Variants in GRAMD1C observed in about 807,000 individuals in gnomAD.
The protein encoded by GRAMD1C is protein Aster-C.
GRAMD1C carries 89 observed loss-of-function variants against 97.8 expected under a neutral mutation model. That is an observed-to-expected ratio of 0.91 (90% CI 0.77 to 1.09). GRAMD1C has a LOEUF of 1.09. Ranked by LOEUF, GRAMD1C falls within the 50% of genes least tolerant of loss-of-function variation. The pLI, the probability that GRAMD1C is intolerant of heterozygous loss-of-function variation, is 0.00. For missense variants in GRAMD1C, 740 were observed against 766.4 expected (o/e 0.97, Z 0.41); for synonymous variants, 256 against 267.0 (o/e 0.96, Z 0.40).
intron 6 of GRAMD1C, among the ~76,000 whole-genome samples, chr3:113,893,508 G>T (rs914815964): frequency 5.9e-5 from 9 of 151,502 alleles, no homozygotes; most frequent in Non-Finnish European, 1.3e-4. Context: ...ATAACATTTT[G>T]TATTTCTATA....
rs1180891284 is a variant in GRAMD1C, at chr3:113,934,502, T to C, written c.1423T>C (p.Trp475Arg). ...CAAATCTTTAATTGAAAAGAATTCC[T>C]GGAGTTCTTTGGAGGACTATTTCAA... is the stretch of plus-strand genomic sequence containing the variant. ...LVKSLIEKNS[W>R]SSLEDYFKQL... Residue 475 changes from tryptophan to arginine, a missense_variant, in exon 13 of 18, where the codon TGG becomes CGG. Transcript: ENST00000358160. 6.4e-7 allele frequency: 1 copy of C among 1,568,164 alleles called. No homozygotes were observed. The highest frequency in any genetic ancestry group is 2.3e-5 in the East Asian group (1 of 43,954).
chr3:113,828,609 A>C (rs892956264), intron 1 of GRAMD1C, among the ~76,000 whole-genome samples: 1 of 152,118 alleles, frequency 6.6e-6, no homozygotes, highest in Non-Finnish European at 1.5e-5. Context: ...ATGTCAGAAC[A>C]CTATGCCACC....
intron 13 of GRAMD1C, among the ~76,000 whole-genome samples, chr3:113,935,058 A>C (rs576945150): frequency 6.6e-6 from 1 of 152,178 alleles, no homozygotes; most frequent in Non-Finnish European, 1.5e-5. Flanking sequence ...AAACACTTAC[A>C]TAATGCTTAT....
At chr3:113,937,186 AT>A (rs1324091895) in intron 14 of GRAMD1C, among the ~76,000 whole-genome samples, 1 of 152,216 alleles carries the variant, frequency 6.6e-6, no homozygotes, top group Non-Finnish European at 1.5e-5. Context: ...TTTTGAACAC[AT>A]CTTACTTTTA....
chr3:113,890,897 G>A, intron 6 of GRAMD1C: 2 of 531,170 alleles, frequency 3.8e-6, no homozygotes, highest in Non-Finnish European at 6.7e-6. Context: ...AAGAAGAAAG[G>A]GAATTCCAGA....
intron 2 of GRAMD1C, among the ~76,000 whole-genome samples, chr3:113,864,234 C>A (rs187333646): frequency 6.6e-6 from 1 of 152,136 alleles, no homozygotes; most frequent in Non-Finnish European, 1.5e-5. Context: ...CTGCCTCAGC[C>A]CCCTAAGTAG....
Position 113,898,300 on chromosome 3 carries a change from CTATTATT to C in GRAMD1C, c.541-2728_541-2722del, listed in dbSNP as rs547458821. On this transcript the variant is annotated intron_variant, in intron 6 of 17. Coordinates refer to ENST00000358160, the MANE Select transcript of GRAMD1C (RefSeq NM_017577.5). ...GTCTGCCTTTGTAATCGTTTGATAT[CTATTATT>C]TAAGAAAAGTTTTTATAAAAGATTA... Among the ~76,000 whole-genome samples the C allele has an allele frequency of 2.6e-4, 39 of 152,100 alleles. 1 individual carries two copies. In the East Asian group the frequency reaches 7.3e-3, roughly 29 times the overall value.
chr3:113,930,950 G>A, intron 11 of GRAMD1C, 118 bp downstream of exon 11: 2 of 616,934 alleles, frequency 3.2e-6, no homozygotes, highest in Admixed American at 2.7e-5. Flanking sequence ...AAAAAAGGGA[G>A]GAGAAACTGT....
intron 2 of GRAMD1C, among the ~76,000 whole-genome samples, chr3:113,853,473 A>T (rs1341771051): frequency 6.6e-6 from 1 of 152,232 alleles, no homozygotes; most frequent in East Asian, 1.9e-4. Flanking sequence ...ACTCAAGTTG[A>T]AGGGCTTCAT....
At chr3:113,895,335 G>A (rs913832442) in intron 6 of GRAMD1C, among the ~76,000 whole-genome samples, 8 of 152,160 alleles carry the variant, frequency 5.3e-5, no homozygotes, top group South Asian at 4.2e-4. Flanking sequence ...AACTGAGCTA[G>A]TATCAGCTCG....
rs779788028 is a variant in GRAMD1C, at chr3:113,904,142, G to T, written c.659G>T (p.Ser220Ile). 1.2e-6 allele frequency: 2 copies of T among 1,608,960 alleles called. No homozygotes were observed. Among genetic ancestry groups the T allele is most frequent in the Admixed American group, 3.3e-5 (2 of 59,948 alleles). The change falls in exon 8 of 18, where the codon AGT (serine) becomes ATT (isoleucine). Residue 220 changes from serine (S) to isoleucine (I), a missense_variant and splice_region_variant. Coordinates refer to ENST00000358160, the MANE Select transcript of GRAMD1C (RefSeq NM_017577.5). ...SLSIEDVQPRSPGRSSLDDSG... is the reference protein window; with the variant it reads ...SLSIEDVQPRIPGRSSLDDSG... The stretch of plus-strand genomic sequence containing the variant: ...CTATAATGATGTGTTTCTTACAGAA[G>T]TCCAGGAAGAAGCAGCTTGGATGAC...
rs140812424 is a variant in GRAMD1C, at chr3:113,936,288, A to C, written c.1479A>C (p.Glu493Asp). The change falls in exon 14 of 18, where the codon GAA becomes GAC. Residue 493 changes from glutamate (E) to aspartate (D), a missense_variant. Coordinates refer to ENST00000358160, the MANE Select transcript of GRAMD1C (RefSeq NM_017577.5). ...TAGAATCAGATTTGTTAATTGAAGAATCTGTATTAAATCAGGCCATTGAAG... is the reference window on the plus strand; with the variant it reads ...TAGAATCAGATTTGTTAATTGAAGACTCTGTATTAAATCAGGCCATTGAAG... ...KQLESDLLIEESVLNQAIEDP... is the reference protein window; with the variant it reads ...KQLESDLLIEDSVLNQAIEDP... 27 of 1,587,172 alleles carry C rather than the reference A, an allele frequency of 1.7e-5. No individual in the cohort carries two copies. In the East Asian group the frequency reaches 3.4e-4, roughly 20 times the overall value.
chr3:113,849,068 A>G (rs892552297), intron 2 of GRAMD1C, among the ~76,000 whole-genome samples: 1 of 152,086 alleles, frequency 6.6e-6, no homozygotes, highest in Non-Finnish European at 1.5e-5. Context: ...CATGTGGATT[A>G]AGATCCCAGA....
chr3:113,902,625 T>C lies in GRAMD1C; in HGVS notation c.656+1479T>C, dbSNP rs912120926. Among the ~76,000 whole-genome samples the C allele has an allele frequency of 3.9e-5, 6 of 152,318 alleles. No individual in the cohort carries two copies. In the South Asian group the frequency reaches 1.2e-3, roughly 32 times the overall value. ...AAGAATATTTTTGACTAGCTGCTGT[T>C]TTCTTCTGGCGATTGAATGCTTTCT... On this transcript the variant is annotated intron_variant, in intron 7 of 17. Transcript: ENST00000358160.
intron 14 of GRAMD1C, 88 bp from the exon 15 acceptor site, chr3:113,937,998 T>G (rs1577227328): frequency 1.2e-5 from 7 of 607,750 alleles, no homozygotes; most frequent in Non-Finnish European, 8.0e-6. Context: ...AGAGCGAAAC[T>G]CCTTCTCAAA....
chr3:113,856,033 C>T (rs1211116009), intron 2 of GRAMD1C, among the ~76,000 whole-genome samples: 1 of 151,944 alleles, frequency 6.6e-6, no homozygotes, highest in Middle Eastern at 3.2e-3. Flanking sequence ...GGATTACAGG[C>T]ACGTGCCACC....
chr3:113,882,751 GT>G lies in GRAMD1C; in HGVS notation c.464del (p.Phe155SerfsTer24). 1 of 1,555,296 alleles carries G rather than the reference GT, an allele frequency of 6.4e-7. No individual in the cohort carries two copies. Among genetic ancestry groups the G allele is most frequent in the Non-Finnish European group, 8.9e-7 (1 of 1,126,968 alleles). On this transcript the variant is annotated frameshift_variant and splice_region_variant, in exon 6 of 18. Coordinates refer to ENST00000358160, the MANE Select transcript of GRAMD1C (RefSeq NM_017577.5). LOFTEE classifies it high-confidence loss of function. ...AIQIVTESEK[F>X]FFTSFGARDR... ...AATTCTCCTATTATTTTTCTTTGCA[GT>G]TTTTCTTCACATCTTTTGGTGCCAG...
intron 13 of GRAMD1C, among the ~76,000 whole-genome samples, 188 bp downstream of exon 13, chr3:113,934,723 TCAAA>T (rs993470817): frequency 1.1e-4 from 16 of 152,276 alleles, no homozygotes; most frequent in African/African-American, 3.6e-4. Context: ...TTTTCATTGG[TCAAA>T]CAAACACTTA....
Position 113,869,576 on chromosome 3 carries a change from G to C in GRAMD1C, c.244G>C (p.Glu82Gln). ...RRQFTHLPDT[E>Q]RLIADYACAL... ...ACAGTTCACACATCTACCTGATACA[G>C]AGAGGCTGATAGCAGGTAAAATAGA... The change falls in exon 3 of 18, where the codon GAG (glutamate) becomes CAG (glutamine). Residue 82 changes from glutamate (E) to glutamine (Q), a missense_variant. Transcript: ENST00000358160. The C allele has an allele frequency of 1.3e-6, 2 of 1,497,670 alleles. No homozygotes were observed. Among genetic ancestry groups the C allele is most frequent in the Non-Finnish European group, 1.8e-6 (2 of 1,091,676 alleles). 92.8% of individuals were successfully genotyped at this position (1,497,670 alleles called of 1,614,324 possible). A position where few individuals can be genotyped will look rare whatever the true frequency, so the allele number is the denominator to read the frequency against.
Sources: allele counts gnomAD v4.1 joint callset (sites outside exome capture counted in the v4.1 genomes callset), GRCh38; gene constraint gnomAD v4.1.1; transcripts MANE v1.5; gene names NCBI Gene and HGNC (gene_info 2026-07-23, HGNC 2026-07-21).